The following FAM107B variants were observed in gnomAD, a reference collection of about 807,000 sequenced individuals.
FAM107B encodes the protein protein FAM107B.
FAM107B carries 21 observed loss-of-function variants against 31.5 expected under a neutral mutation model. The observed-to-expected ratio is 0.67, with a 90% confidence interval of 0.47 to 0.96. The LOEUF is 0.96. Ranked by LOEUF, FAM107B falls within the 40% of genes least tolerant of loss-of-function variation. FAM107B has a pLI of 0.00. For missense variants in FAM107B, 452 were observed against 377.1 expected, an observed-to-expected ratio of 1.20 and a Z score of -1.64; for synonymous variants, 157 against 141.5, an observed-to-expected ratio of 1.11 and a Z score of -0.78.
chr10:14,584,720 C>T (rs1851768527), intron 2 of FAM107B, among the ~76,000 whole-genome samples: 1 of 152,190 alleles, frequency 6.6e-6, no homozygotes, highest in African/African-American at 2.4e-5. Context: ...AGAACTAAAT[C>T]AAAAGGATAA....
intron 1 of FAM107B, among the ~76,000 whole-genome samples, chr10:14,739,831 C>T (rs999889193): frequency 6.6e-6 from 1 of 152,094 alleles, no homozygotes; most frequent in Non-Finnish European, 1.5e-5. Context: ...CTGGAGCTGG[C>T]CCAGGGGAAA....
At chr10:14,543,022 T>G (rs1046693585) in intron 2 of FAM107B, among the ~76,000 whole-genome samples, 1 of 152,248 alleles carries the variant, frequency 6.6e-6, no homozygotes, top group African/African-American at 2.4e-5. Context: ...CTGATTGCCT[T>G]AAACTCATTG....
At chr10:14,534,441 G>A (rs900616510) in intron 2 of FAM107B, among the ~76,000 whole-genome samples, 4 of 152,100 alleles carry the variant, frequency 2.6e-5, no homozygotes, top group Non-Finnish European at 5.9e-5. Context: ...TCTTCCCTCT[G>A]CCAGCCATCC....
chr10:14,578,911 T>C (rs1286470636), intron 2 of FAM107B, among the ~76,000 whole-genome samples: 5 of 152,120 alleles, frequency 3.3e-5, no homozygotes, highest in African/African-American at 1.2e-4. Flanking sequence ...TCAATCAGGG[T>C]CTCCAAAAAG....
intron 1 of FAM107B, among the ~76,000 whole-genome samples, chr10:14,706,000 A>T (rs1157097372): frequency 2.0e-5 from 3 of 152,182 alleles, no homozygotes; most frequent in Non-Finnish European, 4.4e-5. Flanking sequence ...AAACTCCTAT[A>T]CAATAGGAGC....
chr10:14,650,578 G>T (rs868713379), intron 2 of FAM107B, among the ~76,000 whole-genome samples: 1 of 152,150 alleles, frequency 6.6e-6, no homozygotes, highest in Non-Finnish European at 1.5e-5. Flanking sequence ...GAGCCACCGC[G>T]CCCGGCCTCT....
intron 2 of FAM107B, among the ~76,000 whole-genome samples, chr10:14,585,656 C>T (rs1159997293): frequency 1.3e-5 from 2 of 152,170 alleles, no homozygotes; most frequent in Non-Finnish European, 2.9e-5. Flanking sequence ...AAAAGTGTGG[C>T]GCAGAACGTT....
intron 2 of FAM107B, among the ~76,000 whole-genome samples, chr10:14,593,227 T>C (rs1222141559): frequency 6.6e-6 from 1 of 152,152 alleles, no homozygotes; most frequent in Non-Finnish European, 1.5e-5. Flanking sequence ...TTTGAACTAG[T>C]AAACTAAAAT....
intron 2 of FAM107B, among the ~76,000 whole-genome samples, chr10:14,643,976 T>C (rs568868046): frequency 2.0e-4 from 31 of 152,274 alleles, no homozygotes; most frequent in Admixed American, 1.5e-3. Flanking sequence ...AGCTGTCCAA[T>C]TGAAGAATTT....
At chr10:14,744,262 G>A (rs186229935) in intron 1 of FAM107B, among the ~76,000 whole-genome samples, 1 of 152,114 alleles carries the variant, frequency 6.6e-6, no homozygotes, top group African/African-American at 2.4e-5. Context: ...AGACAATGGG[G>A]TTTTTTAGAT....
At chr10:14,545,374 T>G (rs1174850815) in intron 2 of FAM107B, among the ~76,000 whole-genome samples, 2 of 152,142 alleles carry the variant, frequency 1.3e-5, no homozygotes. Context: ...GCTATTGATC[T>G]GGGGGCTGGG....
intron 2 of FAM107B, among the ~76,000 whole-genome samples, chr10:14,582,657 G>A (rs1219877127): frequency 3.3e-5 from 5 of 151,960 alleles, no homozygotes; most frequent in South Asian, 2.1e-4. Flanking sequence ...GATTACAGGC[G>A]TGAGCCACCA....
chr10:14,557,982 T>C (rs1176694246), intron 2 of FAM107B, among the ~76,000 whole-genome samples: 1 of 152,246 alleles, frequency 6.6e-6, no homozygotes, highest in Non-Finnish European at 1.5e-5. Flanking sequence ...TCAGGCAAAC[T>C]ACTGTTTAAA....
intron 1 of FAM107B, among the ~76,000 whole-genome samples, chr10:14,750,652 ACCG>A (rs1832810012): frequency 6.6e-6 from 1 of 151,846 alleles, no homozygotes; most frequent in Non-Finnish European, 1.5e-5. Context: ...CAAAGGCAAC[ACCG>A]TTCTAGTCTC....
intron 2 of FAM107B, among the ~76,000 whole-genome samples, chr10:14,600,622 T>C (rs1008688566): frequency 6.6e-6 from 1 of 152,180 alleles, no homozygotes; most frequent in African/African-American, 2.4e-5. Context: ...TAATTTTGTA[T>C]AATTCTTTTT....
At chr10:14,634,646 G>C (rs561521639) in intron 2 of FAM107B, among the ~76,000 whole-genome samples, 1 of 152,268 alleles carries the variant, frequency 6.6e-6, no homozygotes, top group South Asian at 2.1e-4. Flanking sequence ...ACCAAAAGCA[G>C]GCAGAAACTG....
chr10:14,535,964 G>A (rs1177091190), intron 2 of FAM107B, among the ~76,000 whole-genome samples: 5 of 152,192 alleles, frequency 3.3e-5, no homozygotes, highest in Admixed American at 1.3e-4. Flanking sequence ...CCAGCTCTCT[G>A]GCTATCCCAG....
At position 14,519,039 on chromosome 10, in the gene FAM107B, A is replaced by G. The variant is rs1334234933; in HGVS notation, c.*2151T>C. The G allele has an allele frequency of 1.3e-5, 2 of 152,502 alleles. No homozygotes were observed. Among genetic ancestry groups the G allele is most frequent in the Non-Finnish European group, 2.9e-5 (2 of 68,050 alleles). The allele number at this position is 152,502 out of a possible 1,614,324, so 9.4% of individuals were successfully genotyped here. On this transcript the variant is annotated 3_prime_UTR_variant, in exon 5 of 5. Coordinates refer to ENST00000181796, the MANE Select transcript of FAM107B (RefSeq NM_031453.4). The stretch of plus-strand genomic sequence containing the variant: ...TCTCTGCCTATACATTCCACCGTTT[A>G]GCATAAGACACCACTTTACGCTATT...
At chr10:14,678,485 G>T (rs907476309) in intron 1 of FAM107B, among the ~76,000 whole-genome samples, 4 of 152,204 alleles carry the variant, frequency 2.6e-5, no homozygotes, top group Admixed American at 2.6e-4. Flanking sequence ...AGGAAACGTG[G>T]GGGACACTGC....
Sources: gnomAD v4.1 joint callset for allele counts (sites outside exome capture counted in the v4.1 genomes callset) on GRCh38, gnomAD v4.1.1 for gene constraint, MANE v1.5 for transcripts, NCBI Gene and HGNC (gene_info 2026-07-23, HGNC 2026-07-21) for gene names.